The following SPAG17 variants were observed in gnomAD, a reference collection of about 807,000 sequenced individuals.
SPAG17 encodes the protein sperm-associated antigen 17.
A neutral mutation model predicts 273.6 loss-of-function variants in SPAG17; 169 were observed. The observed-to-expected ratio is 0.62, with a 90% CI of 0.55 to 0.70. SPAG17 has a LOEUF of 0.70. SPAG17 is among the 30% of genes least tolerant of loss of function. SPAG17 has a pLI of 0.00. For missense variants in SPAG17, 2,557 were observed against 2,627.8 expected (o/e 0.97, Z 0.59); for synonymous variants, 825 against 873.2 (o/e 0.94, Z 0.97).
chr1:117,970,251 A>G, intron 45 of SPAG17, 135 bp from the exon 46 acceptor site: 1 of 732,908 alleles, frequency 1.4e-6, no homozygotes, highest in Non-Finnish European at 2.1e-6. Flanking sequence ...CATTAGAAAA[A>G]CAACTTTAAT....
rs1570794361 is a variant in SPAG17, at chr1:118,154,963, G to A, written c.88-3594C>T. ...AAAGCTATACTGGATATATCCAATG[G>A]TGAAGGAAGAGGGTCTGGGTCTGTC... On this transcript the variant is annotated intron_variant, in intron 1 of 48. Transcript: ENST00000336338. Among the ~76,000 whole-genome samples the A allele has an allele frequency of 2.0e-5, 3 of 152,154 alleles. No homozygotes were observed. The South Asian group carries it at 6.2e-4, about 32-fold the overall frequency.
chr1:118,042,118 G>A (rs922677744), intron 20 of SPAG17, 76 bp from the exon 21 acceptor site: 1 of 1,514,226 alleles, frequency 6.6e-7, no homozygotes, highest in African/African-American at 1.4e-5. Flanking sequence ...TCATTTTGAA[G>A]AATATTTAAC....
At chr1:118,074,119 C>A in intron 16 of SPAG17, 152 bp from the exon 17 acceptor site, 1 of 586,098 alleles carries the variant, frequency 1.7e-6, no homozygotes, top group Non-Finnish European at 2.9e-6. Flanking sequence ...AGGAGAGCTG[C>A]TGCCAAAAAG....
chr1:118,041,748 C>T (rs1168081079), intron 21 of SPAG17, 55 bp downstream of exon 21: 4 of 1,563,064 alleles, frequency 2.6e-6, no homozygotes, highest in Non-Finnish European at 3.4e-6. Flanking sequence ...CCGTATTTTC[C>T]CAAAACAATT....
At chr1:117,956,364 C>G (rs1652193878) in intron 48 of SPAG17, among the ~76,000 whole-genome samples, 3 of 152,122 alleles carry the variant, frequency 2.0e-5, no homozygotes, top group Non-Finnish European at 2.9e-5. Context: ...GTTTGAACTA[C>G]TGAAGGCTAT....
chr1:117,980,477 C>T (rs1009995961), intron 43 of SPAG17, among the ~76,000 whole-genome samples: 11 of 152,150 alleles, frequency 7.2e-5, no homozygotes, highest in Non-Finnish European at 1.3e-4. Context: ...AGTGATCTGC[C>T]CACCTCAGCC....
intron 3 of SPAG17, among the ~76,000 whole-genome samples, chr1:118,150,007 C>T (rs1033495554): frequency 1.3e-5 from 2 of 152,104 alleles, no homozygotes; most frequent in African/African-American, 4.8e-5. Context: ...GGAAATGGAA[C>T]GGACCATTAA....
At chr1:118,082,978 G>A (rs1570658280) in intron 13 of SPAG17, among the ~76,000 whole-genome samples, 1 of 152,246 alleles carries the variant, frequency 6.6e-6, no homozygotes, top group Non-Finnish European at 1.5e-5. Flanking sequence ...CAAAAAGTAG[G>A]TGGCAGACAG....
chr1:118,054,413 C>T (rs1203921937), intron 19 of SPAG17, among the ~76,000 whole-genome samples: 1 of 152,088 alleles, frequency 6.6e-6, no homozygotes, highest in East Asian at 1.9e-4. Context: ...TTTAAGACTA[C>T]ACAGAACAAA....
intron 1 of SPAG17, among the ~76,000 whole-genome samples, chr1:118,175,013 A>G (rs945642864): frequency 1.8e-5 from 2 of 108,428 alleles, no homozygotes; most frequent in Admixed American, 2.1e-4. Context: ...TCTGGGTGGA[A>G]GGGGACTCTT....
intron 42 of SPAG17, among the ~76,000 whole-genome samples, chr1:117,983,347 A>C (rs1016450969): frequency 6.6e-6 from 1 of 152,236 alleles, no homozygotes; most frequent in African/African-American, 2.4e-5. Flanking sequence ...GGACAAAACC[A>C]AACCATATCA....
Position 118,081,464 on chromosome 1 carries a change from C to T in SPAG17, c.1941G>A (p.Arg647=), listed in dbSNP as rs1174545339. Residue 647 remains arginine, a synonymous_variant, in exon 14 of 49, where the codon AGG becomes AGA. Transcript: ENST00000336338. ...TATTCATTTTCATGACATATTGCTG[C>T]CTTATCTGTTTAGCAAATCTGGCAG... ...DNPARFAKQI[R]QQYVMKMNTQ... is the part of the protein sequence containing the mutation. 6.2e-7 allele frequency: 1 copy of T among 1,613,830 alleles called. No homozygotes were observed. Among genetic ancestry groups the T allele is most frequent in the Admixed American group, 1.7e-5 (1 of 60,006 alleles).
chr1:118,007,947 T>C (rs1038120964), intron 31 of SPAG17, 97 bp downstream of exon 31: 24 of 1,284,216 alleles, frequency 1.9e-5, no homozygotes, highest in Non-Finnish European at 2.6e-5. Context: ...GCAACAGCAG[T>C]GTACATTGCA....
chr1:118,051,157 A>G (rs1650961908), intron 20 of SPAG17, among the ~76,000 whole-genome samples: 1 of 152,136 alleles, frequency 6.6e-6, no homozygotes, highest in Non-Finnish European at 1.5e-5. Flanking sequence ...TGGCATAACT[A>G]ATCAGCAGGG....
chr1:118,034,839 T>C (rs866249453), intron 24 of SPAG17, among the ~76,000 whole-genome samples: 8 of 152,168 alleles, frequency 5.3e-5, no homozygotes, highest in Middle Eastern at 3.2e-3. Context: ...AGATTCTTAA[T>C]TTTAGGTATA....
At chr1:118,005,236 C>T (rs1277916936) in intron 32 of SPAG17, among the ~76,000 whole-genome samples, 178 bp downstream of exon 32, 6 of 152,158 alleles carry the variant, frequency 3.9e-5, no homozygotes, top group Non-Finnish European at 7.3e-5. Context: ...CATGAAAGTA[C>T]ACTTAAGAAT....
chr1:117,959,440 T>G, intron 48 of SPAG17: 1 of 1,608,910 alleles, frequency 6.2e-7, no homozygotes, highest in Non-Finnish European at 8.5e-7. Context: ...ATTCTAACGT[T>G]GACTTAGAAC....
At chr1:118,115,185 C>T (rs1253373833) in intron 4 of SPAG17, 125 bp downstream of exon 4, 10 of 1,054,392 alleles carry the variant, frequency 9.5e-6, no homozygotes, top group Non-Finnish European at 1.4e-5. Flanking sequence ...GTTGAGGTGA[C>T]AGCCAAATTT....
At chr1:117,982,788 A>G (rs1420490842) in intron 42 of SPAG17, among the ~76,000 whole-genome samples, 1 of 152,284 alleles carries the variant, frequency 6.6e-6, no homozygotes, top group Non-Finnish European at 1.5e-5. Flanking sequence ...CAAGCATCCA[A>G]TCAAAGCTTA....
Sources: gnomAD v4.1 joint callset for allele counts (sites outside exome capture counted in the v4.1 genomes callset) on GRCh38, gnomAD v4.1.1 for gene constraint, MANE v1.5 for transcripts, NCBI Gene and HGNC (gene_info 2026-07-23, HGNC 2026-07-21) for gene names.